The following PLOD2 variants were observed in gnomAD, a reference collection of about 807,000 sequenced individuals.
The protein encoded by PLOD2 is lysine hydroxylase 2.
In PLOD2, 65 loss-of-function variants were observed where a neutral mutation model predicts 101.0. The ratio of observed to expected loss-of-function variants is 0.64; its 90% CI spans 0.53 to 0.79. The LOEUF (loss-of-function observed/expected upper bound fraction) is 0.79. Ranked by LOEUF, PLOD2 falls within the 30% of genes least tolerant of loss-of-function variation. PLOD2 has a pLI of 0.00. For synonymous variants in PLOD2, 314 were observed against 302.9 expected (o/e 1.04, Z -0.38); for missense variants, 909 against 914.6 (o/e 0.99, Z 0.08).
chr3:146,138,625 C>T (rs1231910349), intron 1 of PLOD2, among the ~76,000 whole-genome samples: 5 of 151,960 alleles, frequency 3.3e-5, no homozygotes, highest in Non-Finnish European at 5.9e-5. Context: ...TCCAGAATGG[C>T]CAGAAGAGAC....
intron 1 of PLOD2, among the ~76,000 whole-genome samples, chr3:146,139,995 A>C (rs2031444573): frequency 6.6e-6 from 1 of 152,110 alleles, no homozygotes; most frequent in Non-Finnish European, 1.5e-5. Context: ...ACTGCTCCAC[A>C]AAAACATAGC....
At chr3:146,087,594 C>T (rs67406460) in intron 9 of PLOD2, among the ~76,000 whole-genome samples, 39,266 of 151,414 alleles carry the variant, frequency 0.26, 5,201 homozygotes, top group Non-Finnish European at 0.29. Context: ...TGTCAAGTCT[C>T]TAAGTTTTCT....
At chr3:146,101,285 G>A (rs1937380243) in intron 7 of PLOD2, among the ~76,000 whole-genome samples, 1 of 152,128 alleles carries the variant, frequency 6.6e-6, no homozygotes, top group East Asian at 1.9e-4. Context: ...AAAAGGAAGA[G>A]GCCCCAGACA....
At position 146,071,141 on chromosome 3, in the gene PLOD2, T is replaced by A. The variant is rs763894955; in HGVS notation, c.2022A>T (p.Val674=). Reference sequence around the variant, plus strand: ...AACGCTGTCGTTCAGGGGAGTATTTTACTACAAAATTCAGTAGTGCAAATC... The same window carrying A: ...AACGCTGTCGTTCAGGGGAGTATTTAACTACAAAATTCAGTAGTGCAAATC... ...TKGFALLNFV[V]KYSPERQRSL... The change falls in exon 19 of 20, where the codon GTA becomes GTT. Residue 674 remains valine (V), a synonymous_variant. Coordinates refer to ENST00000282903, the MANE Select transcript of PLOD2 (RefSeq NM_182943.3). 6.2e-7 allele frequency: 1 copy of A among 1,611,318 alleles called. No homozygotes were observed. The highest frequency in any genetic ancestry group is 1.7e-5 in the Admixed American group (1 of 59,702).
intron 1 of PLOD2, among the ~76,000 whole-genome samples, chr3:146,138,590 G>A (rs1211904816): frequency 6.6e-6 from 1 of 152,026 alleles, no homozygotes; most frequent in Non-Finnish European, 1.5e-5. Flanking sequence ...CATTGGCAGT[G>A]GAAGAAAAGG....
intron 1 of PLOD2, among the ~76,000 whole-genome samples, chr3:146,144,750 T>C (rs1488366277): frequency 1.3e-5 from 2 of 152,098 alleles, no homozygotes; most frequent in East Asian, 3.9e-4. Context: ...GCTTAAAATA[T>C]ACTATTTTGT....
At chr3:146,103,147 A>G (rs938104497) in intron 6 of PLOD2, among the ~76,000 whole-genome samples, 5 of 152,196 alleles carry the variant, frequency 3.3e-5, no homozygotes, top group African/African-American at 1.2e-4. Context: ...TCATCTTGCA[A>G]TCCTGCCTTT....
chr3:146,095,916 A>T (rs1430835005), intron 7 of PLOD2, among the ~76,000 whole-genome samples: 1 of 35,564 alleles, frequency 2.8e-5, no homozygotes, highest in Non-Finnish European at 5.4e-5. Flanking sequence ...CTCTCCCTCC[A>T]CAGTCTCCCT....
chr3:146,132,012 A>G (rs1286882957), intron 1 of PLOD2, among the ~76,000 whole-genome samples: 1 of 152,176 alleles, frequency 6.6e-6, no homozygotes, highest in Non-Finnish European at 1.5e-5. Context: ...GGGCAATGGT[A>G]TGCTTAAAGA....
chr3:146,103,992 T>G (rs1413382188), intron 6 of PLOD2, among the ~76,000 whole-genome samples: 1 of 152,130 alleles, frequency 6.6e-6, no homozygotes, highest in Non-Finnish European at 1.5e-5. Flanking sequence ...AATAATAAAG[T>G]GTAATTAATT....
chr3:146,141,949 T>C (rs1576625414), intron 1 of PLOD2, among the ~76,000 whole-genome samples: 1 of 152,192 alleles, frequency 6.6e-6, no homozygotes, highest in East Asian at 1.9e-4. Flanking sequence ...TGAGGACAAA[T>C]GAGTTCACCA....
At chr3:146,144,621 C>A (rs966885957) in intron 1 of PLOD2, among the ~76,000 whole-genome samples, 5 of 151,764 alleles carry the variant, frequency 3.3e-5, no homozygotes, top group Non-Finnish European at 7.4e-5. Context: ...TGTCAAATGG[C>A]AAACAAGCTA....
rs755746838 is a variant in PLOD2, at chr3:146,121,191, C to A, written c.259G>T (p.Gly87Cys). Residue 87 changes from glycine to cysteine, a missense_variant, in exon 3 of 20, where the codon GGC becomes TGC. Transcript: ENST00000282903. ...GGDGINSIGG[G>C]QKVRLMKEVM... ...TCTTTCATTAATCTCACTTTCTGGC[C>A]CCCTCCAATACTATTAATTCCATCA... 2.5e-6 allele frequency: 4 copies of A among 1,607,698 alleles called. No individual in the cohort carries two copies. The highest frequency in any genetic ancestry group is 2.2e-5 in the South Asian group (2 of 90,948).
chr3:146,135,676 T>A (rs1386293662), intron 1 of PLOD2, among the ~76,000 whole-genome samples: 1 of 152,204 alleles, frequency 6.6e-6, no homozygotes, highest in Non-Finnish European at 1.5e-5. Context: ...CTGGTTCTGA[T>A]GTATGCTTTA....
intron 5 of PLOD2, among the ~76,000 whole-genome samples, 158 bp from the exon 6 acceptor site, chr3:146,104,500 T>C (rs1937501571): frequency 6.6e-6 from 1 of 152,210 alleles, no homozygotes; most frequent in African/African-American, 2.4e-5. Flanking sequence ...AGTATTTAGC[T>C]AAAAGGTAGA....
chr3:146,092,344 G>A (rs1937004223), intron 7 of PLOD2, among the ~76,000 whole-genome samples: 1 of 151,972 alleles, frequency 6.6e-6, no homozygotes, highest in Admixed American at 6.6e-5. Flanking sequence ...GTAGTAATGT[G>A]ACCTCTAACT....
chr3:146,073,319 A>G lies in PLOD2; in HGVS notation c.1711T>C (p.Ser571Pro). Reference protein sequence around the residue: ...WKEKYINRDYSKIFTENIVEQ... With the variant: ...WKEKYINRDYPKIFTENIVEQ... ...ACTATATTTTCAGTGAAAATCTTTG[A>G]ATAATCACGGTTTATATACTTTTCC... The change falls in exon 16 of 20, where the codon TCA becomes CCA. Residue 571 changes from serine to proline, a missense_variant. Transcript: ENST00000282903. The G allele has an allele frequency of 1.6e-6, 2 of 1,238,450 alleles. No homozygotes were observed. Among genetic ancestry groups the G allele is most frequent in the Non-Finnish European group, 2.3e-6 (2 of 857,840 alleles). The allele number at this position is 1,238,450 out of a possible 1,614,324, so 76.7% of individuals were successfully genotyped here. A position where few individuals can be genotyped will look rare whatever the true frequency, so the allele number is the denominator to read the frequency against.
chr3:146,118,445 T>C (rs978527392), intron 3 of PLOD2, among the ~76,000 whole-genome samples: 1 of 151,242 alleles, frequency 6.6e-6, no homozygotes, highest in African/African-American at 2.4e-5. Flanking sequence ...AATTTATAAC[T>C]TTCTTATTTA....
chr3:146,093,321 T>C lies in PLOD2; in HGVS notation c.778-1420A>G, dbSNP rs537603979. 2.0e-5 allele frequency among the ~76,000 whole-genome samples: 3 copies of C among 152,308 alleles called. No individual in the cohort carries two copies. In the East Asian group the frequency reaches 5.8e-4, roughly 29 times the overall value. The stretch of plus-strand genomic sequence containing the variant: ...AGCAAAATTAGAAGACATGGACAAG[T>C]AAGCCATTCACATTTCTTCTGGACT... On this transcript the variant is annotated intron_variant, in intron 7 of 19. Transcript: ENST00000282903.
Sources: gnomAD v4.1 joint callset for allele counts (sites outside exome capture counted in the v4.1 genomes callset) on GRCh38, gnomAD v4.1.1 for gene constraint, MANE v1.5 for transcripts, NCBI Gene and HGNC (gene_info 2026-07-23, HGNC 2026-07-21) for gene names.